CTNNA3: variants seen among roughly 807,000 people sequenced by gnomAD.
CTNNA3 encodes catenin alpha 3.
A neutral mutation model predicts 95.7 loss-of-function variants in CTNNA3; 76 were observed. That is an observed-to-expected ratio of 0.79 (90% confidence interval 0.66 to 0.96). CTNNA3 has a LOEUF of 0.96. Among genes scored for constraint, CTNNA3 ranks in the 40% least tolerant of loss-of-function variants. The probability of loss-of-function intolerance (pLI) is 0.00; values close to 1 mark genes in which losing one functional copy is unlikely to be tolerated. For missense variants in CTNNA3, 1,191 were observed against 1,089.8 expected, an observed-to-expected ratio of 1.09 and a Z score of -1.31; for synonymous variants, 431 against 374.4, an observed-to-expected ratio of 1.15 and a Z score of -1.74.
intron 5 of CTNNA3, among the ~76,000 whole-genome samples, chr10:67,324,077 T>G (rs906593706): frequency 2.6e-5 from 4 of 152,204 alleles, no homozygotes; most frequent in Admixed American, 6.5e-5. Context: ...ATCCTGAGAC[T>G]CTGTTGCAAA....
chr10:67,361,916 T>TA (rs1037372765), intron 5 of CTNNA3, among the ~76,000 whole-genome samples: 2 of 151,464 alleles, frequency 1.3e-5, no homozygotes, highest in African/African-American at 2.4e-5. Flanking sequence ...ATAAACACAA[T>TA]AAAAAAATGA....
At chr10:66,735,253 A>G (rs887573764) in intron 9 of CTNNA3, among the ~76,000 whole-genome samples, 5 of 151,808 alleles carry the variant, frequency 3.3e-5, no homozygotes, top group African/African-American at 7.2e-5. Flanking sequence ...AAATAAATCA[A>G]TTGGTAGCTT....
At chr10:66,151,924 A>C (rs2084220548) in intron 13 of CTNNA3, among the ~76,000 whole-genome samples, 1 of 152,012 alleles carries the variant, frequency 6.6e-6, no homozygotes, top group East Asian at 1.9e-4. Flanking sequence ...TGGAACACAT[A>C]GATTGAATGC....
chr10:66,635,961 G>A (rs1018880559), intron 9 of CTNNA3, among the ~76,000 whole-genome samples: 1 of 151,130 alleles, frequency 6.6e-6, no homozygotes, highest in Non-Finnish European at 1.5e-5. Flanking sequence ...ATAAATTGCC[G>A]ATAATGAGTG....
intron 7 of CTNNA3, among the ~76,000 whole-genome samples, chr10:66,872,176 C>A (rs1195215215): frequency 6.6e-6 from 1 of 152,124 alleles, no homozygotes; most frequent in Non-Finnish European, 1.5e-5. Flanking sequence ...TTTGGAGAAG[C>A]AATTTATTTT....
chr10:66,580,810 T>G (rs1443571197), intron 10 of CTNNA3, among the ~76,000 whole-genome samples: 1 of 151,766 alleles, frequency 6.6e-6, no homozygotes, highest in Non-Finnish European at 1.5e-5. Flanking sequence ...GTTACATGGA[T>G]GAATTGTATA....
chr10:67,727,147 T>G (rs1278745106), intron 1 of CTNNA3, among the ~76,000 whole-genome samples: 4 of 121,824 alleles, frequency 3.3e-5, no homozygotes, highest in Non-Finnish European at 6.4e-5. Flanking sequence ...GATACATATA[T>G]TATATAATTA....
At chr10:67,009,788 T>C (rs1852213303) in intron 7 of CTNNA3, among the ~76,000 whole-genome samples, 1 of 152,204 alleles carries the variant, frequency 6.6e-6, no homozygotes, top group African/African-American at 2.4e-5. Flanking sequence ...AAATCTCTTA[T>C]TTCCTTTTCC....
At chr10:67,409,999 A>G (rs1055955175) in intron 5 of CTNNA3, among the ~76,000 whole-genome samples, 1 of 152,174 alleles carries the variant, frequency 6.6e-6, no homozygotes, top group Non-Finnish European at 1.5e-5. Context: ...CAGCAATCCC[A>G]TTACTGAGTA....
intron 17 of CTNNA3, among the ~76,000 whole-genome samples, chr10:65,956,320 T>C (rs2077731028): frequency 6.6e-6 from 1 of 152,226 alleles, no homozygotes; most frequent in Admixed American, 6.5e-5. Context: ...TCAATTTTGT[T>C]GATCTTTTCA....
chr10:66,597,444 A>C (rs1474203116), intron 10 of CTNNA3, among the ~76,000 whole-genome samples: 5 of 146,384 alleles, frequency 3.4e-5, no homozygotes, highest in Non-Finnish European at 7.5e-5. Context: ...TGGTAGGCTG[A>C]GGCAGGAGGA....
intron 15 of CTNNA3, among the ~76,000 whole-genome samples, chr10:66,021,968 C>T (rs1308154318): frequency 6.6e-6 from 1 of 150,892 alleles, no homozygotes; most frequent in African/African-American, 2.4e-5. Context: ...ATGCTCTGCC[C>T]TCAGATCCCA....
chr10:66,413,774 GA>G (rs1168251942), intron 11 of CTNNA3, among the ~76,000 whole-genome samples: 1 of 152,166 alleles, frequency 6.6e-6, no homozygotes, highest in East Asian at 1.9e-4. Context: ...TCCCACAAAG[GA>G]AAGTGTGGAT....
intron 5 of CTNNA3, among the ~76,000 whole-genome samples, chr10:67,315,560 A>G (rs1039715394): frequency 2.6e-5 from 4 of 152,146 alleles, no homozygotes; most frequent in African/African-American, 4.8e-5. Flanking sequence ...AAGCACTTAC[A>G]AGTGCTTCCT....
At position 66,466,074 on chromosome 10, in the gene CTNNA3, C is replaced by T. The variant is rs777218555; in HGVS notation, c.1531+54543G>A. ...CAGTACACTTGAGTAAAACAGATAA[C>T]CCTCCATGATGTGAATGAGCCTCAT... On this transcript the variant is annotated intron_variant, in intron 11 of 17. Transcript: ENST00000433211. 4.4e-4 allele frequency among the ~76,000 whole-genome samples: 67 copies of T among 151,842 alleles called. 1 individual carries two copies. The highest frequency in any genetic ancestry group is 2.1e-4 in the South Asian group (1 of 4,816).
chr10:67,697,967 G>A (rs925330993), upstream of CTNNA3, among the ~76,000 whole-genome samples: 1 of 152,156 alleles, frequency 6.6e-6, no homozygotes, highest in Non-Finnish European at 1.5e-5. Context: ...TAGGGTAGGA[G>A]ACAAAAGCAG....
chr10:67,015,528 A>C (rs941712620), intron 7 of CTNNA3: 3 of 152,204 alleles, frequency 2.0e-5, no homozygotes, highest in African/African-American at 7.2e-5. Context: ...ATTGAAAGCC[A>C]ACCTTTATTC....
At chr10:65,993,744 A>C (rs1299208537) in intron 15 of CTNNA3, among the ~76,000 whole-genome samples, 2 of 151,880 alleles carry the variant, frequency 1.3e-5, no homozygotes, top group African/African-American at 4.8e-5. Context: ...TTCTCTCTAT[A>C]TATATTTTTT....
intron 7 of CTNNA3, among the ~76,000 whole-genome samples, chr10:66,781,488 G>A (rs1483920437): frequency 6.6e-6 from 1 of 152,136 alleles, no homozygotes; most frequent in Non-Finnish European, 1.5e-5. Context: ...GAATACCACT[G>A]TACTGAATGG....
Sources: allele counts gnomAD v4.1 joint callset (sites outside exome capture counted in the v4.1 genomes callset), GRCh38; gene constraint gnomAD v4.1.1; transcripts MANE v1.5; gene names NCBI Gene and HGNC (gene_info 2026-07-23, HGNC 2026-07-21).